GPR158: variants seen among roughly 807,000 people sequenced by gnomAD.
GPR158 encodes the protein G protein-coupled receptor 158, also known as metabotropic glycine receptor.
Under a neutral mutation model 78.2 loss-of-function variants are expected in GPR158, and 30 were observed. That is an observed-to-expected ratio of 0.38 (90% CI 0.29 to 0.52). The LOEUF (loss-of-function observed/expected upper bound fraction) is 0.52. Among genes scored for constraint, GPR158 ranks in the 20% least tolerant of loss-of-function variants. The probability of loss-of-function intolerance (pLI) is 0.83; values close to 1 mark genes in which losing one functional copy is unlikely to be tolerated. For missense variants in GPR158, 1,463 were observed against 1,523.5 expected (o/e 0.96, Z 0.66); for synonymous variants, 581 against 591.1 (o/e 0.98, Z 0.25).
At chr10:25,338,765 A>G (rs1330449701) in intron 2 of GPR158, among the ~76,000 whole-genome samples, 2 of 150,702 alleles carry the variant, frequency 1.3e-5, no homozygotes, top group African/African-American at 4.9e-5. Flanking sequence ...GCATTTCTAT[A>G]TACACTTTTA....
chr10:25,554,854 A>G (rs1347147578), intron 6 of GPR158, among the ~76,000 whole-genome samples: 1 of 152,118 alleles, frequency 6.6e-6, no homozygotes, highest in Non-Finnish European at 1.5e-5. Flanking sequence ...ACCAGCTTTT[A>G]GTTGGCTTTA....
intron 2 of GPR158, among the ~76,000 whole-genome samples, chr10:25,364,283 G>T (rs569616272): frequency 2.0e-5 from 3 of 151,946 alleles, no homozygotes; most frequent in African/African-American, 4.8e-5. Context: ...CCAAATCCTT[G>T]TTAAACACAT....
intron 5 of GPR158, among the ~76,000 whole-genome samples, chr10:25,523,446 A>C (rs11591807): frequency 0.11 from 16,013 of 152,216 alleles, 954 homozygotes; most frequent in Non-Finnish European, 0.13. Flanking sequence ...GCAGTACATC[A>C]AGACTGTGCA....
intron 4 of GPR158, among the ~76,000 whole-genome samples, chr10:25,437,995 C>T (rs565723680): frequency 2.4e-3 from 364 of 152,304 alleles, no homozygotes; most frequent in Non-Finnish European, 4.0e-3. Flanking sequence ...CCATGTGTAA[C>T]AGACGGGAAT....
intron 8 of GPR158, among the ~76,000 whole-genome samples, chr10:25,592,929 C>T (rs916323782): frequency 1.4e-5 from 2 of 143,046 alleles, no homozygotes; most frequent in African/African-American, 2.6e-5. Flanking sequence ...AAAAGCCTGA[C>T]CCAGGAAAAC....
intron 4 of GPR158, among the ~76,000 whole-genome samples, chr10:25,445,711 C>T (rs1397117722): frequency 2.6e-5 from 4 of 151,584 alleles, no homozygotes; most frequent in Non-Finnish European, 5.9e-5. Flanking sequence ...GTAGAAATGC[C>T]ATGATATTGG....
intron 4 of GPR158, among the ~76,000 whole-genome samples, chr10:25,463,477 A>G (rs1835383474): frequency 6.6e-6 from 1 of 152,102 alleles, no homozygotes. Context: ...TACATAGAGA[A>G]AATGTGTAGT....
At chr10:25,217,440 A>T (rs1853232294) in intron 1 of GPR158, among the ~76,000 whole-genome samples, 1 of 152,206 alleles carries the variant, frequency 6.6e-6, no homozygotes, top group Non-Finnish European at 1.5e-5. Context: ...TCATCTCGTC[A>T]CATACATGTG....
At chr10:25,308,402 G>T (rs1417248677) in intron 2 of GPR158, among the ~76,000 whole-genome samples, 1 of 151,914 alleles carries the variant, frequency 6.6e-6, no homozygotes, top group Non-Finnish European at 1.5e-5. Flanking sequence ...GTGGTATTTT[G>T]TTTTCTGTTC....
At chr10:25,483,362 A>G (rs1171249009) in intron 5 of GPR158, among the ~76,000 whole-genome samples, 2 of 151,844 alleles carry the variant, frequency 1.3e-5, no homozygotes, top group South Asian at 4.2e-4. Context: ...TGCACTGACT[A>G]TTGCTTTTTC....
At chr10:25,325,337 G>A (rs1446224511) in intron 2 of GPR158, among the ~76,000 whole-genome samples, 1 of 152,118 alleles carries the variant, frequency 6.6e-6, no homozygotes, top group African/African-American at 2.4e-5. Context: ...TTAGCATAAT[G>A]TCCTCCAGGT....
chr10:25,391,475 C>G (rs1029773868), intron 2 of GPR158, among the ~76,000 whole-genome samples: 7 of 137,072 alleles, frequency 5.1e-5, no homozygotes, highest in African/African-American at 8.1e-5. Flanking sequence ...GGTTGTGAGA[C>G]ATGCAGTTAA....
intron 2 of GPR158, among the ~76,000 whole-genome samples, chr10:25,387,557 C>T (rs539750729): frequency 1.4e-4 from 21 of 149,438 alleles, no homozygotes; most frequent in African/African-American, 5.3e-4. Context: ...GCTCTGTCAC[C>T]CAGGCTGGAG....
chr10:25,554,434 G>C (rs1271953380), intron 6 of GPR158, among the ~76,000 whole-genome samples: 2 of 152,004 alleles, frequency 1.3e-5, no homozygotes, highest in Non-Finnish European at 2.9e-5. Flanking sequence ...CTTATCACCT[G>C]GGTCTCTCAC....
intron 4 of GPR158, among the ~76,000 whole-genome samples, chr10:25,413,619 T>C (rs1834622060): frequency 2.0e-5 from 3 of 152,184 alleles, no homozygotes; most frequent in Admixed American, 6.5e-5. Context: ...ACAGAGCTCA[T>C]TGAAGGTATA....
At chr10:25,348,235 C>G (rs1348995415) in intron 2 of GPR158, among the ~76,000 whole-genome samples, 1 of 151,814 alleles carries the variant, frequency 6.6e-6, no homozygotes, top group Non-Finnish European at 1.5e-5. Flanking sequence ...TAAGCCAACT[C>G]CTGAAAATTT....
intron 1 of GPR158, among the ~76,000 whole-genome samples, chr10:25,186,223 G>A (rs1203597687): frequency 6.6e-6 from 1 of 152,176 alleles, no homozygotes; most frequent in Non-Finnish European, 1.5e-5. Flanking sequence ...ATTTAAAGCG[G>A]TGTGTAGAGG....
At chr10:25,241,262 T>TCTTTCCTTTCTTTCCTTTCTTTC (rs1479682126) in intron 2 of GPR158, among the ~76,000 whole-genome samples, 62 of 117,734 alleles carry the variant, frequency 5.3e-4, no homozygotes, top group South Asian at 2.0e-3. Flanking sequence ...TTCTTTCCTT[T>TCTTTCCTTTCTTTCCTTTCTTTC]CTTTCTTTCC....
intron 6 of GPR158, among the ~76,000 whole-genome samples, chr10:25,564,005 A>C (rs1307282512): frequency 6.6e-6 from 1 of 152,086 alleles, no homozygotes; most frequent in African/African-American, 2.4e-5. Flanking sequence ...TGGTAAATCC[A>C]AAAATCAGAT....
Sources: gnomAD v4.1 joint callset for allele counts (sites outside exome capture counted in the v4.1 genomes callset) on GRCh38, gnomAD v4.1.1 for gene constraint, MANE v1.5 for transcripts, NCBI Gene and HGNC (gene_info 2026-07-23, HGNC 2026-07-21) for gene names.